The following SHROOM4 variants were observed in gnomAD, a reference collection of about 807,000 sequenced individuals.
The protein encoded by SHROOM4 is protein Shroom4.
In SHROOM4, 17 loss-of-function variants were observed where a neutral mutation model predicts 80.3. The observed-to-expected ratio is 0.21, with a 90% CI of 0.14 to 0.32. The LOEUF is 0.32. SHROOM4 is among the 10% of genes least tolerant of loss of function. The pLI is 1.00. For synonymous variants in SHROOM4, 400 were observed against 437.5 expected (o/e 0.91, Z 1.07); for missense variants, 993 against 1,140.3 (o/e 0.87, Z 1.86).
At chrX:50,660,290 G>A (rs782027383) in intron 2 of SHROOM4, among the ~76,000 whole-genome samples, 39 of 111,206 alleles carry the variant, frequency 3.5e-4, no homozygotes, top group African/African-American at 1.3e-3. Flanking sequence ...GTAGATCTGG[G>A]GTGGAGCTGA....
chrX:50,663,515 T>C (rs191819828), intron 2 of SHROOM4, among the ~76,000 whole-genome samples: 1 of 109,917 alleles, frequency 9.1e-6, no homozygotes, highest in East Asian at 2.9e-4. Context: ...CTCATACTTA[T>C]TCATCTGCTT....
chrX:50,733,271 A>G lies in SHROOM4; in HGVS notation c.118-37334T>C, dbSNP rs782414093. On this transcript the variant is annotated intron_variant, in intron 1 of 8. Coordinates refer to ENST00000376020, the MANE Select transcript of SHROOM4 (RefSeq NM_020717.5). ...AGAAGAGAACTTCCTCAATTTGATA[A>G]GGGCTTCTATGACAAATCCACACTG... 1.3e-3 allele frequency among the ~76,000 whole-genome samples: 146 copies of G among 112,105 alleles called. 1 individual carries two copies. The highest frequency in any genetic ancestry group is 4.7e-3 in the African/African-American group (144 of 30,944).
chrX:50,714,525 T>C (rs1195052637), intron 1 of SHROOM4, among the ~76,000 whole-genome samples: 1 of 111,678 alleles, frequency 9.0e-6, no homozygotes, highest in African/African-American at 3.3e-5. Flanking sequence ...GTAACAAATA[T>C]TCACATGTAC....
At chrX:50,576,463 C>T in the SHROOM4 span, among the ~76,000 whole-genome samples, 1 of 111,724 alleles carries the variant, frequency 9.0e-6, no homozygotes, top group Admixed American at 9.5e-5. Flanking sequence ...CCTACGGTTG[C>T]TTCTTGTGTT....
chrX:50,596,907 G>A lies in SHROOM4; in HGVS notation c.4270C>T (p.Leu1424=). 1 of 1,211,487 alleles carries A rather than the reference G, an allele frequency of 8.3e-7. No individual in the cohort carries two copies. Among genetic ancestry groups the A allele is most frequent in the African/African-American group, 1.7e-5 (1 of 57,857 alleles). Reference sequence around the variant, plus strand: ...TCCCGGCGGTCCACGTGCTCCTTCAGCTCCTTGGCATCTGCCAACTGCCCC... The same window carrying A: ...TCCCGGCGGTCCACGTGCTCCTTCAACTCCTTGGCATCTGCCAACTGCCCC... ...LTGQLADAKE[L]KEHVDRREKL... The change falls in exon 9 of 9, where the codon CTG becomes TTG. Residue 1424 remains leucine, a synonymous_variant. Transcript: ENST00000376020.
At chrX:50,643,456 C>T (rs2147322146) in intron 2 of SHROOM4, 1 of 111,157 alleles carries the variant, frequency 9.0e-6, no homozygotes, top group African/African-American at 3.3e-5. Context: ...GGCGAGGGAC[C>T]ATCAGCCCAA....
At chrX:50,738,096 G>C (rs1195560787) in intron 1 of SHROOM4, among the ~76,000 whole-genome samples, 7 of 110,914 alleles carry the variant, frequency 6.3e-5, no homozygotes, top group African/African-American at 2.3e-4. Flanking sequence ...TATCTTAATA[G>C]ATGCAGAAAA....
Position 50,758,150 on chromosome X carries a change from G to T in SHROOM4, c.117+55752C>A, listed in dbSNP as rs143794617. Among the ~76,000 whole-genome samples the T allele has an allele frequency of 5.3e-3, 593 of 111,496 alleles. 5 individuals carry two copies. The highest frequency in any genetic ancestry group is 0.018 in the African/African-American group (549 of 30,747). On this transcript the variant is annotated intron_variant, in intron 1 of 8. Transcript: ENST00000376020. The stretch of plus-strand genomic sequence containing the variant: ...TGATGTCATATCCTACAGACATGAT[G>T]AAAAATTATGTTTTACTGTATAAAA...
rs782740974 is a variant in SHROOM4 at position 50,713,790 on chromosome X, CCTTT to C, written c.118-17857_118-17854del. The stretch of plus-strand genomic sequence containing the variant: ...GTTGTCTCTTCACTGTTTATTGCTT[CCTTT>C]GTTGTGCAGAAGCTTTTAAATTTAG... On this transcript the variant is annotated intron_variant, in intron 1 of 8. Transcript: ENST00000376020. Among the ~76,000 whole-genome samples, 41 of 111,965 alleles carry C rather than the reference CCTTT, an allele frequency of 3.7e-4. 1 individual carries two copies. The highest frequency in any genetic ancestry group is 1.0e-3 in the Admixed American group (11 of 10,593).
chrX:50,807,507 TCCAGAA>T (rs1936250780), intron 1 of SHROOM4, among the ~76,000 whole-genome samples: 1 of 111,884 alleles, frequency 8.9e-6, no homozygotes, highest in Non-Finnish European at 1.9e-5. Flanking sequence ...AACTATTCTT[TCCAGAA>T]GGGGAAAAAA....
At chrX:50,612,684 C>G (rs1388401678) in intron 5 of SHROOM4, among the ~76,000 whole-genome samples, 1 of 111,410 alleles carries the variant, frequency 9.0e-6, no homozygotes, top group Admixed American at 9.5e-5. Context: ...ACACCATGAT[C>G]AAGTGGGGTT....
At chrX:50,703,402 C>T (rs1259842033) in intron 1 of SHROOM4, among the ~76,000 whole-genome samples, 1 of 111,652 alleles carries the variant, frequency 9.0e-6, no homozygotes, top group African/African-American at 3.3e-5. Context: ...CCCCAGAGTT[C>T]GTGACACCTA....
intron 1 of SHROOM4, among the ~76,000 whole-genome samples, chrX:50,780,725 C>G (rs782448100): frequency 4.5e-4 from 50 of 111,766 alleles, no homozygotes; most frequent in Non-Finnish European, 8.5e-4. Context: ...GATCTCTTTT[C>G]AAGTATTTAT....
At chrX:50,628,220 T>C (rs1198324766) in intron 4 of SHROOM4, among the ~76,000 whole-genome samples, 2 of 111,416 alleles carry the variant, frequency 1.8e-5, no homozygotes, top group African/African-American at 3.3e-5. Context: ...CTCCTCCTTC[T>C]CTGCCCACAT....
At chrX:50,784,514 T>A (rs1376619857) in intron 1 of SHROOM4, among the ~76,000 whole-genome samples, 1 of 111,544 alleles carries the variant, frequency 9.0e-6, no homozygotes, top group Non-Finnish European at 1.9e-5. Context: ...TGGATGTTCA[T>A]ATGCAACAAA....
At chrX:50,741,792 T>C (rs2147575699) in intron 1 of SHROOM4, among the ~76,000 whole-genome samples, 1 of 111,041 alleles carries the variant, frequency 9.0e-6, no homozygotes, top group East Asian at 2.8e-4. Context: ...TAATTTGTTG[T>C]AGGTTGTTAC....
At chrX:50,704,858 C>T (rs1933617364) in intron 1 of SHROOM4, among the ~76,000 whole-genome samples, 1 of 111,269 alleles carries the variant, frequency 9.0e-6, no homozygotes. Context: ...TGCCCAGGCC[C>T]CCTTTCCTTG....
At chrX:50,720,052 A>G (rs1934067699) in intron 1 of SHROOM4, among the ~76,000 whole-genome samples, 1 of 111,904 alleles carries the variant, frequency 8.9e-6, no homozygotes, top group South Asian at 3.7e-4. Flanking sequence ...ATTCCCACTC[A>G]TAGGCAATTT....
Position 50,695,805 on chromosome X carries a change from G to A in SHROOM4, c.250C>T (p.Leu84Phe), listed in dbSNP as rs782478370. 8.3e-7 allele frequency: 1 copy of A among 1,210,121 alleles called. No homozygotes were observed. Among genetic ancestry groups the A allele is most frequent in the Non-Finnish European group, 1.1e-6 (1 of 895,219 alleles). ...LILIKGSFRI[L>F]KLIVRRRNAP... ...CCTTACCTCCTGACAATCAGCTTGA[G>A]AATCCGGAAGGAGCCTTTGATGAGA... The change falls in exon 2 of 9, where the codon CTC becomes TTC. Residue 84 changes from leucine to phenylalanine, a missense_variant. Leu to Phe is a conservative substitution (Grantham distance 22, BLOSUM62 0). Transcript: ENST00000376020.
Sources: allele counts gnomAD v4.1 joint callset (sites outside exome capture counted in the v4.1 genomes callset), GRCh38; gene constraint gnomAD v4.1.1; transcripts MANE v1.5; gene names NCBI Gene and HGNC (gene_info 2026-07-23, HGNC 2026-07-21).